HDAC9: variants seen among roughly 807,000 people sequenced by gnomAD.
The protein encoded by HDAC9 is MEF-2 interacting transcription repressor (MITR) protein.
Under a neutral mutation model 139.4 loss-of-function variants are expected in HDAC9, and 41 were observed. The ratio of observed to expected loss-of-function variants is 0.29; its 90% CI spans 0.23 to 0.38. The LOEUF (loss-of-function observed/expected upper bound fraction) is 0.38. Ranked by LOEUF, HDAC9 falls within the 10% of genes least tolerant of loss-of-function variation. The pLI is 1.00. For missense variants in HDAC9, 1,147 were observed against 1,297.0 expected (o/e 0.88, Z 1.78); for synonymous variants, 517 against 476.2 (o/e 1.09, Z -1.12).
intron 1 of HDAC9, among the ~76,000 whole-genome samples, chr7:18,104,553 A>G (rs1783075197): frequency 6.6e-6 from 1 of 152,272 alleles, no homozygotes; most frequent in African/African-American, 2.4e-5. Context: ...GCCCGCAGAC[A>G]CCAAATATTT....
At chr7:18,453,707 A>C (rs939006286) in intron 1 of HDAC9, among the ~76,000 whole-genome samples, 1 of 152,208 alleles carries the variant, frequency 6.6e-6, no homozygotes, top group Admixed American at 6.5e-5. Context: ...TTGTCTACAG[A>C]GATTACATTA....
At chr7:18,163,165 T>C (rs1787768681) in intron 2 of HDAC9, among the ~76,000 whole-genome samples, 1 of 152,142 alleles carries the variant, frequency 6.6e-6, no homozygotes, top group Admixed American at 6.6e-5. Flanking sequence ...TTGCCAAGAT[T>C]TTCATTCCCT....
intron 1 of HDAC9, among the ~76,000 whole-genome samples, chr7:18,449,907 A>C (rs1585991570): frequency 6.6e-6 from 1 of 152,276 alleles, no homozygotes; most frequent in South Asian, 2.1e-4. Flanking sequence ...TATTTAACAA[A>C]ATTAGAATCA....
At chr7:18,909,766 T>C (rs924068125) in intron 22 of HDAC9, among the ~76,000 whole-genome samples, 12 of 152,074 alleles carry the variant, frequency 7.9e-5, no homozygotes, top group African/African-American at 2.9e-4. Context: ...CAGTTGACTC[T>C]ATATATGTGG....
At chr7:18,473,111 G>C (rs1382856244) in intron 1 of HDAC9, among the ~76,000 whole-genome samples, 1 of 152,126 alleles carries the variant, frequency 6.6e-6, no homozygotes, top group Non-Finnish European at 1.5e-5. Flanking sequence ...CTGAATCTCT[G>C]GTCCCAGAAA....
chr7:18,367,502 A>AT (rs774809028), intron 1 of HDAC9, among the ~76,000 whole-genome samples: 1 of 152,104 alleles, frequency 6.6e-6, no homozygotes, highest in South Asian at 2.1e-4. Context: ...TAATGTTAGA[A>AT]ATTACAATGG....
At chr7:18,390,380 GTC>G (rs1208753176) in intron 1 of HDAC9, among the ~76,000 whole-genome samples, 1 of 152,076 alleles carries the variant, frequency 6.6e-6, no homozygotes, top group Non-Finnish European at 1.5e-5. Flanking sequence ...AGCAAGGTCT[GTC>G]TCTCACAGCA....
chr7:18,642,129 T>TA (rs1785824904), intron 8 of HDAC9, among the ~76,000 whole-genome samples: 1 of 152,048 alleles, frequency 6.6e-6, no homozygotes, highest in Non-Finnish European at 1.5e-5. Flanking sequence ...ACATACCAGT[T>TA]AAGAGTCTTT....
chr7:18,391,755 C>A (rs79527202), intron 1 of HDAC9, among the ~76,000 whole-genome samples: 5,863 of 152,304 alleles, frequency 0.038, 157 homozygotes, highest in Admixed American at 0.055. Flanking sequence ...TCACTTAGTA[C>A]ACAGACAATT....
At chr7:18,452,806 C>T (rs1052168631) in intron 1 of HDAC9, among the ~76,000 whole-genome samples, 3 of 152,166 alleles carry the variant, frequency 2.0e-5, no homozygotes, top group African/African-American at 7.2e-5. Context: ...TCACGTGTCA[C>T]TGTGATTGTG....
At chr7:18,174,972 AC>A (rs1788765054) in intron 2 of HDAC9, among the ~76,000 whole-genome samples, 1 of 152,166 alleles carries the variant, frequency 6.6e-6, no homozygotes, top group Admixed American at 6.5e-5. Flanking sequence ...TGCTGGGAGA[AC>A]TACTGCTCTC....
intron 14 of HDAC9, among the ~76,000 whole-genome samples, chr7:18,755,045 A>T (rs1172893734): frequency 1.3e-5 from 2 of 152,136 alleles, no homozygotes; most frequent in African/African-American, 2.4e-5. Context: ...GCAAAAAAAA[A>T]TTTTATGTGT....
At chr7:18,888,761 T>C (rs1389058140) in intron 22 of HDAC9, among the ~76,000 whole-genome samples, 1 of 152,236 alleles carries the variant, frequency 6.6e-6, no homozygotes. Context: ...ATTTTAATGA[T>C]AGAAGTGAAA....
intron 11 of HDAC9, among the ~76,000 whole-genome samples, chr7:18,660,509 A>C (rs934617981): frequency 2.0e-5 from 3 of 152,162 alleles, no homozygotes; most frequent in African/African-American, 7.2e-5. Flanking sequence ...ATTAGGTGTT[A>C]TGCAATGTAT....
chr7:18,810,165 G>A (rs922174025), intron 17 of HDAC9, among the ~76,000 whole-genome samples: 3 of 151,810 alleles, frequency 2.0e-5, no homozygotes, highest in Admixed American at 6.6e-5. Flanking sequence ...ACAGGGGGTT[G>A]CCAGAAACTG....
At chr7:18,666,521 T>C (rs1462753908) in intron 12 of HDAC9, 45 bp downstream of exon 12, 2 of 1,584,182 alleles carry the variant, frequency 1.3e-6, no homozygotes, top group African/African-American at 1.3e-5. Context: ...TTAAAGTCAT[T>C]ATCTGAACAT....
At chr7:18,410,805 AT>A (rs1240690374) in intron 1 of HDAC9, among the ~76,000 whole-genome samples, 1 of 152,146 alleles carries the variant, frequency 6.6e-6, no homozygotes, top group East Asian at 1.9e-4. Flanking sequence ...CTGCCTAAAT[AT>A]TTTTTTAAAT....
chr7:18,988,551 T>G (rs1454053541), intron 25 of HDAC9, among the ~76,000 whole-genome samples: 5 of 151,982 alleles, frequency 3.3e-5, no homozygotes, highest in Non-Finnish European at 5.9e-5. Context: ...TGATTTGGGG[T>G]GGAGAGTTCT....
At chr7:18,934,572 G>T (rs1277392192) in intron 22 of HDAC9, among the ~76,000 whole-genome samples, 1 of 152,156 alleles carries the variant, frequency 6.6e-6, no homozygotes. Context: ...AATTACATTT[G>T]TAATGAAATC....
Sources: gnomAD v4.1 joint callset for allele counts (sites outside exome capture counted in the v4.1 genomes callset) on GRCh38, gnomAD v4.1.1 for gene constraint, MANE v1.5 for transcripts, NCBI Gene and HGNC (gene_info 2026-07-23, HGNC 2026-07-21) for gene names.